KMT2A: variants seen among roughly 807,000 people sequenced by gnomAD.
The protein encoded by KMT2A is histone-lysine N-methyltransferase 2A.
A neutral mutation model predicts 345.3 loss-of-function variants in KMT2A; 16 were observed. The ratio of observed to expected loss-of-function variants is 0.05; its 90% CI spans 0.03 to 0.07. The LOEUF (loss-of-function observed/expected upper bound fraction) is 0.07, where lower values mean the gene tolerates loss of function less well. Ranked by LOEUF, KMT2A falls within the 10% of genes least tolerant of loss-of-function variation. The probability of loss-of-function intolerance (pLI) is 1.00; values close to 1 mark genes in which losing one functional copy is unlikely to be tolerated. For synonymous variants in KMT2A, 1,599 were observed against 1,778.6 expected, an observed-to-expected ratio of 0.90 and a Z score of 2.54; for missense variants, 3,272 against 4,841.6, an observed-to-expected ratio of 0.68 and a Z score of 9.62.
Position 118,436,530 on chromosome 11 carries a change from G to C in KMT2A, c.18G>C (p.Arg6=). MAHSC[R]WRFPARPGTT... ...GGGCGAACATGGCGCACAGCTGTCG[G>C]TGGCGCTTCCCCGCCCGACCCGGGA... The change falls in exon 1 of 36, where the codon CGG becomes CGC. Residue 6 remains arginine (R), a synonymous_variant. Transcript: ENST00000534358. The surrounding 1 kb of genome is among the most constrained non-coding windows in gnomAD (Gnocchi z 6.9). 7.9e-7 allele frequency: 1 copy of C among 1,259,810 alleles called. No individual in the cohort carries two copies. The allele number at this position is 1,259,810 out of a possible 1,614,324, so 78.0% of individuals were successfully genotyped here. A position where few individuals can be genotyped will look rare whatever the true frequency, so the allele number is the denominator to read the frequency against.
chr11:118,461,483 A>G (rs1269127081), intron 1 of KMT2A, among the ~76,000 whole-genome samples: 2 of 152,202 alleles, frequency 1.3e-5, no homozygotes, highest in South Asian at 2.1e-4. Flanking sequence ...GTGTTTTTCT[A>G]TCTTTGCTGG....
chr11:118,467,923 T>A (rs2134246864), intron 1 of KMT2A, among the ~76,000 whole-genome samples: 1 of 152,354 alleles, frequency 6.6e-6, no homozygotes, highest in South Asian at 2.1e-4. Flanking sequence ...GAACTCAATC[T>A]CTGAATCATT....
Position 118,491,133 on chromosome 11 carries a change from G to A in KMT2A, c.4697-63G>A, listed in dbSNP as rs1555042316. On this transcript the variant is annotated intron_variant, in intron 13 of 35. Coordinates refer to ENST00000534358, the MANE Select transcript of KMT2A (RefSeq NM_001197104.2). The surrounding 1 kb of genome is among the most constrained non-coding windows in gnomAD (Gnocchi z 4.2). ...TAGATTGGGTTGGTAAATGCAAGTC[G>A]AGGGCCGTAAAAACACGGGTATGTG... 8.2e-6 allele frequency: 13 copies of A among 1,576,826 alleles called. No homozygotes were observed. The highest frequency in any genetic ancestry group is 4.1e-5 in the African/African-American group (3 of 73,656).
At position 118,522,279 on chromosome 11, in the gene KMT2A, T is replaced by C; in HGVS notation, c.*107T>C. 2 of 1,154,624 alleles carry C rather than the reference T, an allele frequency of 1.7e-6. No homozygotes were observed. The highest frequency in any genetic ancestry group is 2.5e-6 in the Non-Finnish European group (2 of 801,800). The allele number at this position is 1,154,624 out of a possible 1,614,324, so 71.5% of individuals were successfully genotyped here. A position where few individuals can be genotyped will look rare whatever the true frequency, so the allele number is the denominator to read the frequency against. On this transcript the variant is annotated 3_prime_UTR_variant, in exon 36 of 36. Coordinates refer to ENST00000534358, the MANE Select transcript of KMT2A (RefSeq NM_001197104.2). This position sits in a 1 kb window ranked among gnomAD's most constrained non-coding sequence, Gnocchi z 5.4. ...GAGCTCCCGGATTGCGTGGCACAGC[T>C]GAGGGGCCTCTGTGATGGCTGAGCT...
At chr11:118,511,140 G>T (rs1365948209) in intron 30 of KMT2A, among the ~76,000 whole-genome samples, 1 of 152,176 alleles carries the variant, frequency 6.6e-6, no homozygotes, top group Non-Finnish European at 1.5e-5. Context: ...AATGTGATAA[G>T]CTCTCTATAT....
intron 1 of KMT2A, among the ~76,000 whole-genome samples, chr11:118,454,592 C>T (rs1949604359): frequency 1.3e-5 from 2 of 152,204 alleles, no homozygotes; most frequent in Admixed American, 6.5e-5. Context: ...CCCCAACTTA[C>T]GAAGGGGCTA....
rs1555036243 is a variant in KMT2A, at chr11:118,473,125, C to T, written c.1966C>T (p.Leu656=). The T allele has an allele frequency of 6.2e-7, 1 of 1,614,198 alleles. No homozygotes were observed. Among genetic ancestry groups the T allele is most frequent in the Admixed American group, 1.7e-5 (1 of 60,030 alleles). Residue 656 remains leucine, a synonymous_variant, in exon 3 of 36, where the codon CTA becomes TTA. Transcript: ENST00000534358. This position sits in a 1 kb window ranked among gnomAD's most constrained non-coding sequence, Gnocchi z 5.2. Reference sequence around the variant, plus strand: ...ATTTGATAATTTCCGACCCCCTCCACTAACTCCCGAGGACGTTGGCTTTGC... The same window carrying T: ...ATTTGATAATTTCCGACCCCCTCCATTAACTCCCGAGGACGTTGGCTTTGC... ...PIFDNFRPPP[L]TPEDVGFASG...
chr11:118,522,315 C>T lies in KMT2A; in HGVS notation c.*143C>T. Reference sequence around the variant, plus strand: ...TGTGATGGCTGAGCTCTCTTATGTCCTATACTCACATCAGACATGTGATCA... The same window carrying T: ...TGTGATGGCTGAGCTCTCTTATGTCTTATACTCACATCAGACATGTGATCA... On this transcript the variant is annotated 3_prime_UTR_variant, in exon 36 of 36. Transcript: ENST00000534358. The surrounding 1 kb of genome is among the most constrained non-coding windows in gnomAD (Gnocchi z 5.4). The T allele has an allele frequency of 4.3e-6, 3 of 705,274 alleles. No homozygotes were observed. Among genetic ancestry groups the T allele is most frequent in the Non-Finnish European group, 7.1e-6 (3 of 422,516 alleles). 43.7% of individuals were successfully genotyped at this position (705,274 alleles called of 1,614,324 possible).
chr11:118,505,958 A>T lies in KMT2A; in HGVS notation c.10066A>T (p.Thr3356Ser). The T allele has an allele frequency of 1.2e-6, 2 of 1,614,116 alleles. No individual in the cohort carries two copies. Among genetic ancestry groups the T allele is most frequent in the Non-Finnish European group, 1.7e-6 (2 of 1,180,012 alleles). The part of the protein sequence containing the change: ...VVSMQTTTTP[T>S]SSASVPGHVT... ...ATCCATGCAAACTACCACAACCCCT[A>T]CAAGTAGTGCGTCAGTTCCAGGACA... The change falls in exon 27 of 36, where the codon ACA (threonine) becomes TCA (serine). Residue 3356 changes from threonine to serine, a missense_variant. By Grantham distance (58) the Thr-to-Ser change is moderately conservative. Transcript: ENST00000534358. This position sits in a 1 kb window ranked among gnomAD's most constrained non-coding sequence, Gnocchi z 4.6.
intron 22 of KMT2A, 130 bp from the exon 23 acceptor site, chr11:118,499,173 T>C: frequency 3.0e-6 from 2 of 663,744 alleles, no homozygotes; most frequent in Non-Finnish European, 5.4e-6. Context: ...AATACAGAAG[T>C]GTCCTGCTAA....
chr11:118,522,157 G>A lies in KMT2A; in HGVS notation c.11904G>A (p.Arg3968=), dbSNP rs375281059. 8 of 1,613,984 alleles carry A rather than the reference G, an allele frequency of 5.0e-6. No homozygotes were observed. Among genetic ancestry groups the A allele is most frequent in the Admixed American group, 1.7e-5 (1 of 60,008 alleles). ...LPCNCGAKKC[R]KFLN Reference sequence around the variant, plus strand: ...GCAACTGTGGCGCCAAGAAATGCCGGAAGTTCCTAAACTAAAGCTGCTCTT... The same window carrying A: ...GCAACTGTGGCGCCAAGAAATGCCGAAAGTTCCTAAACTAAAGCTGCTCTT... The change falls in exon 36 of 36, where the codon CGG becomes CGA. Residue 3968 remains arginine (R), a synonymous_variant. Transcript: ENST00000534358. The surrounding 1 kb of genome is among the most constrained non-coding windows in gnomAD (Gnocchi z 5.4).
intron 1 of KMT2A, among the ~76,000 whole-genome samples, chr11:118,442,107 T>C (rs1445792264): frequency 1.3e-5 from 2 of 152,220 alleles, no homozygotes; most frequent in Admixed American, 6.5e-5. Context: ...TCCACTAGTG[T>C]TGGCACAGAG....
chr11:118,501,362 A>G (rs1331516523), intron 25 of KMT2A, among the ~76,000 whole-genome samples: 2 of 152,090 alleles, frequency 1.3e-5, no homozygotes, highest in Non-Finnish European at 2.9e-5. Context: ...CCAGCCACTC[A>G]GGAGGCAGAG....
intron 1 of KMT2A, among the ~76,000 whole-genome samples, chr11:118,463,362 A>G (rs1949783239): frequency 6.6e-6 from 1 of 152,226 alleles, no homozygotes. Flanking sequence ...AGCATTTGGA[A>G]CATAAAATGC....
rs1951065776 is a variant in KMT2A at position 118,525,643 on chromosome 11, C to T, written c.*3471C>T. 1 of 227,194 alleles carries T rather than the reference C, an allele frequency of 4.4e-6. No homozygotes were observed. Among genetic ancestry groups the T allele is most frequent in the South Asian group, 1.9e-4 (1 of 5,374 alleles). 14.1% of individuals were successfully genotyped at this position (227,194 alleles called of 1,614,324 possible). On this transcript the variant is annotated 3_prime_UTR_variant, in exon 36 of 36. Transcript: ENST00000534358. ...AAAGGAAAAAAAAATACAACACACA[C>T]ACAAAAATAAAAAAAATATTCTAAT...
At chr11:118,507,771 C>T in intron 28 of KMT2A, 162 bp downstream of exon 28, 1 of 584,398 alleles carries the variant, frequency 1.7e-6, no homozygotes, top group Non-Finnish European at 3.1e-6. Context: ...ACCATCCTGG[C>T]TAACATGGTG....
Position 118,521,762 on chromosome 11 carries a change from G to C in KMT2A, c.11644-135G>C. The C allele has an allele frequency of 1.1e-6, 1 of 902,188 alleles. No homozygotes were observed. Among genetic ancestry groups the C allele is most frequent in the Middle Eastern group, 3.5e-4 (1 of 2,874 alleles). The allele number at this position is 902,188 out of a possible 1,614,324, so 55.9% of individuals were successfully genotyped here. A position where few individuals can be genotyped will look rare whatever the true frequency, so the allele number is the denominator to read the frequency against. On this transcript the variant is annotated intron_variant, in intron 35 of 35. Transcript: ENST00000534358. This position sits in a 1 kb window ranked among gnomAD's most constrained non-coding sequence, Gnocchi z 5.3. The stretch of plus-strand genomic sequence containing the variant: ...TGGAAGCATCTTGAAAGATAGTACT[G>C]GGAGAAATCTGGAAATTTTACTAGA...
At chr11:118,477,213 C>G (rs1415402594) in intron 4 of KMT2A, among the ~76,000 whole-genome samples, 2 of 152,244 alleles carry the variant, frequency 1.3e-5, no homozygotes, top group African/African-American at 4.8e-5. Context: ...ATCTCACCCC[C>G]ATGAAGGAGC....
chr11:118,524,487 G>T lies in KMT2A; in HGVS notation c.*2315G>T, dbSNP rs1437229423. The T allele has an allele frequency of 1.1e-5, 2 of 186,154 alleles. No individual in the cohort carries two copies. The highest frequency in any genetic ancestry group is 2.3e-5 in the Non-Finnish European group (2 of 87,778). The allele number at this position is 186,154 out of a possible 1,614,324, so 11.5% of individuals were successfully genotyped here. On this transcript the variant is annotated 3_prime_UTR_variant, in exon 36 of 36. Transcript: ENST00000534358. ...TGTCACTGTTTTCACTGTCATGCAG[G>T]GAGCCCAGCACTGTGGCCAGGATGG...
Sources: gnomAD v4.1 joint callset for allele counts (sites outside exome capture counted in the v4.1 genomes callset) on GRCh38, gnomAD v4.1.1 for gene constraint, Gnocchi (gnomAD v3.1) non-coding constraint, MANE v1.5 for transcripts, NCBI Gene and HGNC (gene_info 2026-07-23, HGNC 2026-07-21) for gene names.